The following GRID2 variants were observed in gnomAD, a reference collection of about 807,000 sequenced individuals.
GRID2 encodes glutamate receptor ionotropic, delta-2.
In GRID2, 33 loss-of-function variants were observed where a neutral mutation model predicts 114.8. The ratio of observed to expected loss-of-function variants is 0.29; its 90% CI spans 0.22 to 0.38. GRID2 has a LOEUF of 0.38. Among genes scored for constraint, GRID2 ranks in the 10% least tolerant of loss-of-function variants. GRID2 has a pLI of 1.00. For missense variants in GRID2, 1,184 were observed against 1,257.7 expected (o/e 0.94, Z 0.89); for synonymous variants, 505 against 449.9 (o/e 1.12, Z -1.55).
At chr4:93,260,477 T>C (rs986757022) in intron 8 of GRID2, among the ~76,000 whole-genome samples, 3 of 151,544 alleles carry the variant, frequency 2.0e-5, no homozygotes, top group Non-Finnish European at 4.4e-5. Flanking sequence ...CTTAAAAGGG[T>C]GACAGCCTTT....
intron 2 of GRID2, among the ~76,000 whole-genome samples, chr4:92,633,848 C>G (rs1730928190): frequency 1.3e-5 from 2 of 151,526 alleles, no homozygotes; most frequent in East Asian, 1.9e-4. Context: ...GCCAAGTCAA[C>G]TGCATTCTAC....
chr4:93,546,212 A>G (rs1405766509), intron 13 of GRID2, among the ~76,000 whole-genome samples: 5 of 152,320 alleles, frequency 3.3e-5, no homozygotes, highest in South Asian at 2.1e-4. Context: ...GGAGGAGTGA[A>G]CTAAGACCTG....
At chr4:92,864,534 C>T (rs1199436539) in intron 2 of GRID2, among the ~76,000 whole-genome samples, 1 of 152,180 alleles carries the variant, frequency 6.6e-6, no homozygotes, top group African/African-American at 2.4e-5. Context: ...GACATTTCCC[C>T]ACTGGACTTT....
intron 1 of GRID2, among the ~76,000 whole-genome samples, chr4:92,398,303 T>A (rs1203346420): frequency 6.6e-6 from 1 of 152,118 alleles, no homozygotes; most frequent in Admixed American, 6.6e-5. Flanking sequence ...ATTATTATTA[T>A]TATTAATTTG....
intron 14 of GRID2, among the ~76,000 whole-genome samples, chr4:93,752,662 G>A (rs1168607781): frequency 2.0e-5 from 3 of 152,086 alleles, no homozygotes; most frequent in African/African-American, 4.8e-5. Flanking sequence ...GAGCCACCGC[G>A]CCTGGCCAAT....
chr4:92,995,341 G>C (rs960851587), intron 2 of GRID2, among the ~76,000 whole-genome samples: 1 of 152,162 alleles, frequency 6.6e-6, no homozygotes, highest in Non-Finnish European at 1.5e-5. Context: ...TGGGAAGATG[G>C]AGTGAGGAGG....
chr4:92,725,246 G>T (rs1042981388), intron 2 of GRID2, among the ~76,000 whole-genome samples: 1 of 152,132 alleles, frequency 6.6e-6, no homozygotes, highest in African/African-American at 2.4e-5. Flanking sequence ...GGAGGTTGCA[G>T]TGAGCTGAGA....
At position 93,763,485 on chromosome 4, in the gene GRID2, T is replaced by C. The variant is rs1483968391; in HGVS notation, c.2361-5725T>C. Among the ~76,000 whole-genome samples the C allele has an allele frequency of 3.3e-5, 5 of 152,212 alleles. 1 individual carries two copies. The East Asian group carries it at 9.6e-4, about 29-fold the overall frequency. On this transcript the variant is annotated intron_variant, in intron 14 of 15. Transcript: ENST00000282020. ...CACACTATAATTATATTGTTTGGTT[T>C]AGAGGAAACATATTGATGAGACGTT...
intron 14 of GRID2, among the ~76,000 whole-genome samples, chr4:93,660,468 A>T (rs1723392000): frequency 6.6e-6 from 1 of 152,192 alleles, no homozygotes; most frequent in African/African-American, 2.4e-5. Context: ...ATTAGAAATG[A>T]TTATGGAGTA....
chr4:93,486,563 T>A (rs549982720), intron 11 of GRID2, among the ~76,000 whole-genome samples: 16 of 151,882 alleles, frequency 1.1e-4, no homozygotes, highest in Non-Finnish European at 1.5e-4. Context: ...GTTTTGTTTT[T>A]CTAAGACTGG....
chr4:92,391,119 A>T (rs967168578), intron 1 of GRID2, among the ~76,000 whole-genome samples: 7 of 152,190 alleles, frequency 4.6e-5, no homozygotes, highest in Non-Finnish European at 7.4e-5. Context: ...GGAGCGCTGA[A>T]TTCTCAAAAA....
At chr4:93,076,030 A>C (rs1445902258) in intron 2 of GRID2, among the ~76,000 whole-genome samples, 3 of 150,938 alleles carry the variant, frequency 2.0e-5, no homozygotes. Flanking sequence ...CAGCCTCCCA[A>C]GTAGCTGGGA....
intron 2 of GRID2, among the ~76,000 whole-genome samples, chr4:92,917,372 C>A (rs550433220): frequency 5.3e-5 from 8 of 152,186 alleles, no homozygotes; most frequent in African/African-American, 1.9e-4. Context: ...TAATTAGATC[C>A]CATTTGTCAA....
chr4:92,982,988 A>G (rs966781749), intron 2 of GRID2, among the ~76,000 whole-genome samples: 1 of 152,052 alleles, frequency 6.6e-6, no homozygotes, highest in Non-Finnish European at 1.5e-5. Context: ...AATAGAAACT[A>G]TGTATCAAAC....
chr4:93,216,272 ATGTG>A (rs559058759), intron 5 of GRID2, among the ~76,000 whole-genome samples: 2 of 151,088 alleles, frequency 1.3e-5, no homozygotes, highest in South Asian at 4.2e-4. Context: ...GTGTGTGTGC[ATGTG>A]TGTGTGTGTA....
intron 8 of GRID2, among the ~76,000 whole-genome samples, chr4:93,260,198 C>T (rs946315101): frequency 1.3e-5 from 2 of 151,492 alleles, no homozygotes; most frequent in Admixed American, 6.6e-5. Context: ...ACTGTAAATC[C>T]ATGGAGTTTA....
At chr4:93,484,993 G>C (rs925181541) in intron 11 of GRID2, among the ~76,000 whole-genome samples, 1 of 151,830 alleles carries the variant, frequency 6.6e-6, no homozygotes, top group Admixed American at 6.6e-5. Context: ...AGTTTTCAGA[G>C]ATCATTTATC....
chr4:93,095,905 T>C (rs1257374552), intron 3 of GRID2, among the ~76,000 whole-genome samples: 1 of 152,020 alleles, frequency 6.6e-6, no homozygotes, highest in East Asian at 1.9e-4. Context: ...GATAAGCTGA[T>C]CCTAACATTG....
At chr4:92,666,983 A>G (rs1238720851) in intron 2 of GRID2, among the ~76,000 whole-genome samples, 1 of 151,422 alleles carries the variant, frequency 6.6e-6, no homozygotes, top group Admixed American at 6.6e-5. Flanking sequence ...GTTAGAGAAC[A>G]GTGTCCTTAC....
Sources: allele counts gnomAD v4.1 joint callset (sites outside exome capture counted in the v4.1 genomes callset), GRCh38; gene constraint gnomAD v4.1.1; transcripts MANE v1.5; gene names NCBI Gene and HGNC (gene_info 2026-07-23, HGNC 2026-07-21).